RBFOX3: variants seen among roughly 807,000 people sequenced by gnomAD.
RBFOX3 encodes RNA binding fox-1 homolog 3, also known as RNA binding protein fox-1 homolog 3.
A neutral mutation model predicts 48.7 loss-of-function variants in RBFOX3; 17 were observed. The ratio of observed to expected loss-of-function variants is 0.35; its 90% CI spans 0.24 to 0.52. The LOEUF is 0.52. RBFOX3 is among the 20% of genes least tolerant of loss of function. The pLI is 0.94. For synonymous variants in RBFOX3, 212 were observed against 209.5 expected (o/e 1.01, Z -0.10); for missense variants, 382 against 497.5 (o/e 0.77, Z 2.21).
chr17:79,306,702 C>T (rs1034430140), intron 3 of RBFOX3, among the ~76,000 whole-genome samples: 1 of 152,184 alleles, frequency 6.6e-6, no homozygotes, highest in African/African-American at 2.4e-5. Context: ...GGTGCCCTGC[C>T]TACCTCCCTC....
chr17:79,130,850 T>C (rs1200997483), intron 4 of RBFOX3, among the ~76,000 whole-genome samples: 1 of 152,262 alleles, frequency 6.6e-6, no homozygotes, highest in Non-Finnish European at 1.5e-5. Flanking sequence ...AGGCGGGACC[T>C]GGCCCAAGCC....
intron 1 of RBFOX3, among the ~76,000 whole-genome samples, chr17:79,575,594 G>T (rs2092831960): frequency 6.6e-6 from 1 of 152,232 alleles, no homozygotes; most frequent in South Asian, 2.1e-4. Context: ...TGCACAGGAA[G>T]AAGAAGGAAG....
intron 2 of RBFOX3, among the ~76,000 whole-genome samples, chr17:79,329,834 G>T (rs1057107762): frequency 6.6e-6 from 1 of 152,120 alleles, no homozygotes; most frequent in Non-Finnish European, 1.5e-5. Context: ...CAAATGGCTG[G>T]TCGCACATTT....
At chr17:79,501,458 A>T (rs1390196687) in intron 1 of RBFOX3, among the ~76,000 whole-genome samples, 1 of 152,198 alleles carries the variant, frequency 6.6e-6, no homozygotes, top group Non-Finnish European at 1.5e-5. Context: ...AACCTGAGTC[A>T]CTGGGGTTGG....
rs925521413 is a variant in RBFOX3, at chr17:79,097,390, G to T, written c.657C>A (p.Ala219=). The part of the protein sequence containing the change: ...TGFPYPTTGT[A]VAYRGAHLRG... ...GAAGATGTGCGCCCCGGTAGGCAAC[G>T]GCTGTGCCGGTGGTGGGGTAGGGGA... The change falls in exon 11 of 15, where the codon GCC becomes GCA. Residue 219 remains alanine (A), a synonymous_variant. Coordinates refer to ENST00000693108, the MANE Select transcript of RBFOX3 (RefSeq NM_001350451.2). 2.6e-6 allele frequency: 4 copies of T among 1,547,846 alleles called. No individual in the cohort carries two copies. The highest frequency in any genetic ancestry group is 3.5e-6 in the Non-Finnish European group (4 of 1,145,968).
chr17:79,261,577 CAG>C (rs1330422255), intron 3 of RBFOX3, among the ~76,000 whole-genome samples: 1 of 152,202 alleles, frequency 6.6e-6, no homozygotes, highest in East Asian at 1.9e-4. Context: ...CTCCACAGTG[CAG>C]AGTCAATGAT....
chr17:79,436,200 T>C (rs1283488356), intron 2 of RBFOX3, among the ~76,000 whole-genome samples: 1 of 152,174 alleles, frequency 6.6e-6, no homozygotes, highest in East Asian at 1.9e-4. Context: ...TGTGCAAACG[T>C]ACAGGACATG....
In RBFOX3 at chr17:79,106,819, G is replaced by A. The variant is rs185015569; in HGVS notation, c.223-31C>T. On this transcript the variant is annotated intron_variant, in intron 5 of 14. Transcript: ENST00000693108. ...GGGAGAGGACTGGGCTGTGGAGGCT[G>A]CCTCTGTGTGCGGGGTTGCCCATCC... is the stretch of plus-strand genomic sequence containing the variant. The A allele has an allele frequency of 2.1e-4, 316 of 1,487,396 alleles. No homozygotes were observed. The African/African-American group carries it at 4.1e-3, about 19-fold the overall frequency. The allele number at this position is 1,487,396 out of a possible 1,614,324, so 92.1% of individuals were successfully genotyped here.
At chr17:79,457,770 G>A (rs2074762404) in intron 2 of RBFOX3, among the ~76,000 whole-genome samples, 1 of 152,248 alleles carries the variant, frequency 6.6e-6, no homozygotes, top group Non-Finnish European at 1.5e-5. Flanking sequence ...AGTCCAGTGT[G>A]GGGAGGTGCA....
chr17:79,149,731 A>G (rs531950688), intron 4 of RBFOX3, among the ~76,000 whole-genome samples: 26 of 151,116 alleles, frequency 1.7e-4, no homozygotes, highest in African/African-American at 6.1e-4. Flanking sequence ...TGGGATGTCG[A>G]GTGGGGTCAG....
At chr17:79,287,591 C>T (rs752544805) in intron 3 of RBFOX3, among the ~76,000 whole-genome samples, 7 of 152,172 alleles carry the variant, frequency 4.6e-5, no homozygotes, top group Admixed American at 1.3e-4. Flanking sequence ...GATGTGAGAC[C>T]GGCCAACAGG....
intron 2 of RBFOX3, among the ~76,000 whole-genome samples, chr17:79,425,059 A>G (rs1266549962): frequency 6.6e-6 from 1 of 151,992 alleles, no homozygotes; most frequent in African/African-American, 2.4e-5. Context: ...GGTTTTAGAA[A>G]ATAAAATCTG....
chr17:79,210,244 C>CT (rs1032125057), intron 4 of RBFOX3, among the ~76,000 whole-genome samples: 1 of 152,204 alleles, frequency 6.6e-6, no homozygotes, highest in Non-Finnish European at 1.5e-5. Context: ...CTTTTGTGAA[C>CT]TTTTTTTATT....
intron 1 of RBFOX3, among the ~76,000 whole-genome samples, chr17:79,585,196 C>T: frequency 6.6e-6 from 1 of 152,268 alleles, no homozygotes; most frequent in South Asian, 2.1e-4. Context: ...CACTAAAAAG[C>T]TTGTTTATGT....
the RBFOX3 span, among the ~76,000 whole-genome samples, chr17:79,665,389 G>A: frequency 6.6e-6 from 1 of 151,726 alleles, no homozygotes; most frequent in African/African-American, 2.4e-5. Flanking sequence ...GGCCTGGAGA[G>A]GAGCGGAGCA....
chr17:79,128,702 G>A (rs1361419162), intron 4 of RBFOX3, among the ~76,000 whole-genome samples: 2 of 152,306 alleles, frequency 1.3e-5, no homozygotes, highest in Non-Finnish European at 2.9e-5. Context: ...TGGGAGCCGG[G>A]GCTGCCTGCC....
chr17:79,437,852 A>G (rs1351015102), intron 2 of RBFOX3, among the ~76,000 whole-genome samples: 2 of 152,248 alleles, frequency 1.3e-5, no homozygotes, highest in Non-Finnish European at 2.9e-5. Context: ...AGTGCCTGAC[A>G]TACATGCCCT....
intron 2 of RBFOX3, among the ~76,000 whole-genome samples, chr17:79,346,934 G>A (rs1296235680): frequency 6.6e-6 from 1 of 152,160 alleles, no homozygotes; most frequent in Non-Finnish European, 1.5e-5. Context: ...ATACTCTCCA[G>A]TTTCTAAAAG....
intron 2 of RBFOX3, among the ~76,000 whole-genome samples, chr17:79,312,806 G>C (rs2077035618): frequency 6.6e-6 from 1 of 152,198 alleles, no homozygotes; most frequent in Non-Finnish European, 1.5e-5. Flanking sequence ...CTGAGCACAT[G>C]TGAGGATGGA....
Sources: allele counts gnomAD v4.1 joint callset (sites outside exome capture counted in the v4.1 genomes callset), GRCh38; gene constraint gnomAD v4.1.1; transcripts MANE v1.5; gene names NCBI Gene and HGNC (gene_info 2026-07-23, HGNC 2026-07-21).